Variants in SLC9A9 observed in about 807,000 individuals in gnomAD.
SLC9A9 encodes sodium/hydrogen exchanger 9.
Under a neutral mutation model 77.8 loss-of-function variants are expected in SLC9A9, and 62 were observed. The ratio of observed to expected loss-of-function variants is 0.80; its 90% CI spans 0.65 to 0.98. SLC9A9 has a LOEUF of 0.98. SLC9A9 is among the 50% of genes least tolerant of loss of function. The pLI, the probability that SLC9A9 is intolerant of heterozygous loss-of-function variation, is 0.00. For synonymous variants in SLC9A9, 320 were observed against 283.5 expected, an observed-to-expected ratio of 1.13 and a Z score of -1.29; for missense variants, 775 against 774.9, an observed-to-expected ratio of 1.00 and a Z score of 0.00.
chr3:143,287,655 T>G (rs1298985350), intron 14 of SLC9A9, among the ~76,000 whole-genome samples: 1 of 152,216 alleles, frequency 6.6e-6, no homozygotes, highest in Non-Finnish European at 1.5e-5. Context: ...GTGCTGCTAT[T>G]CATGAAGTCC....
intron 1 of SLC9A9, chr3:143,847,459 T>G (rs959032932): frequency 6.6e-6 from 1 of 152,182 alleles, no homozygotes; most frequent in Non-Finnish European, 1.5e-5. Flanking sequence ...CTGCAGGTGT[T>G]AAATATTTTT....
chr3:143,460,192 A>G (rs2035165826), intron 12 of SLC9A9, among the ~76,000 whole-genome samples: 4 of 152,044 alleles, frequency 2.6e-5, no homozygotes, highest in South Asian at 4.1e-4. Context: ...CAAAACGAAA[A>G]CTCACCACCA....
At chr3:143,776,567 A>G (rs943739268) in intron 4 of SLC9A9, among the ~76,000 whole-genome samples, 10 of 152,220 alleles carry the variant, frequency 6.6e-5, no homozygotes, top group Admixed American at 6.5e-4. Flanking sequence ...AGTGGGCAAT[A>G]TGCCATTCAA....
At chr3:143,761,238 C>T (rs577921935) in intron 4 of SLC9A9, among the ~76,000 whole-genome samples, 11 of 152,196 alleles carry the variant, frequency 7.2e-5, no homozygotes, top group African/African-American at 2.2e-4. Context: ...CCATAAAAAC[C>T]CTAGAAGAAA....
chr3:143,699,413 G>A (rs1933734266), intron 4 of SLC9A9, among the ~76,000 whole-genome samples: 2 of 152,134 alleles, frequency 1.3e-5, no homozygotes, highest in South Asian at 4.2e-4. Flanking sequence ...GCTAAAAGAG[G>A]TACTGAGGAG....
At chr3:143,754,179 T>A (rs1163752155) in intron 4 of SLC9A9, among the ~76,000 whole-genome samples, 1 of 152,164 alleles carries the variant, frequency 6.6e-6, no homozygotes, top group East Asian at 1.9e-4. Flanking sequence ...AGAAGTGAGA[T>A]AAGAGGGAAT....
rs545767733 is a variant in SLC9A9 at position 143,742,498 on chromosome 3, T to A, written c.534-49191A>T. On this transcript the variant is annotated intron_variant, in intron 4 of 15. Coordinates refer to ENST00000316549, the MANE Select transcript of SLC9A9 (RefSeq NM_173653.4). ...AGTCTAATCATGAAAAAATATCATA[T>A]GTATTTCAGTAGAGGGCCAATTTAC... Among the ~76,000 whole-genome samples, 11 of 152,316 alleles carry A rather than the reference T, an allele frequency of 7.2e-5. No individual in the cohort carries two copies. In the East Asian group the frequency reaches 2.1e-3, roughly 29 times the overall value.
At position 143,743,240 on chromosome 3, in the gene SLC9A9, T is replaced by TA. The variant is rs1491352341; in HGVS notation, c.534-49934_534-49933insT. Among the ~76,000 whole-genome samples, 301 of 133,326 alleles carry TA rather than the reference T, an allele frequency of 2.3e-3. 2 individuals are homozygous for TA. Among genetic ancestry groups the TA allele is most frequent in the Admixed American group, 2.6e-3 (34 of 13,132 alleles). 87.5% of individuals were successfully genotyped at this position (133,326 alleles called of 152,430 possible). Reference sequence around the variant, plus strand: ...ATGGATGGATGGATGGATGGATGGATGGATAGATAGATAGATAGATAGATA... The same window carrying TA: ...ATGGATGGATGGATGGATGGATGGATAGGATAGATAGATAGATAGATAGATA... On this transcript the variant is annotated intron_variant, in intron 4 of 15. Transcript: ENST00000316549.
chr3:143,568,664 T>A (rs2037210695), intron 8 of SLC9A9, among the ~76,000 whole-genome samples: 2 of 152,150 alleles, frequency 1.3e-5, no homozygotes, highest in Non-Finnish European at 2.9e-5. Context: ...GTTTTGAAAC[T>A]TTTTTCTTTT....
intron 11 of SLC9A9, among the ~76,000 whole-genome samples, chr3:143,471,007 C>T (rs1348087357): frequency 3.9e-5 from 6 of 152,134 alleles, no homozygotes; most frequent in East Asian, 1.9e-4. Context: ...GCCACTATCT[C>T]GTGGCAGGTT....
At chr3:143,811,468 G>T (rs1024168492) in intron 2 of SLC9A9, among the ~76,000 whole-genome samples, 1 of 152,156 alleles carries the variant, frequency 6.6e-6, no homozygotes, top group Non-Finnish European at 1.5e-5. Flanking sequence ...GCATGAAAAT[G>T]CCTGCTTCCT....
At chr3:143,666,058 T>C (rs557946779) in intron 5 of SLC9A9, among the ~76,000 whole-genome samples, 1 of 152,290 alleles carries the variant, frequency 6.6e-6, no homozygotes, top group Admixed American at 6.5e-5. Flanking sequence ...CCAATATCCC[T>C]GATGAACATT....
chr3:143,803,920 A>G (rs1038475486), intron 2 of SLC9A9, among the ~76,000 whole-genome samples: 36 of 151,760 alleles, frequency 2.4e-4, no homozygotes, highest in African/African-American at 8.7e-4. Flanking sequence ...GTCCAGCAAG[A>G]CCTCCCCAGA....
At position 143,406,481 on chromosome 3, in the gene SLC9A9, G is replaced by A. The variant is rs2033983336; in HGVS notation, c.1470-24367C>T. Among the ~76,000 whole-genome samples, 3 of 151,974 alleles carry A rather than the reference G, an allele frequency of 2.0e-5. No homozygotes were observed. The South Asian group carries it at 6.2e-4, about 32-fold the overall frequency. The stretch of plus-strand genomic sequence containing the variant: ...CAACCTCCGCCTCCTGGGTTCAAGT[G>A]ATTCTCCTGTCCCAGCCTCCCGAGT... On this transcript the variant is annotated intron_variant, in intron 12 of 15. Coordinates refer to ENST00000316549, the MANE Select transcript of SLC9A9 (RefSeq NM_173653.4).
chr3:143,345,686 C>T (rs1176448419), intron 14 of SLC9A9, among the ~76,000 whole-genome samples: 1 of 152,112 alleles, frequency 6.6e-6, no homozygotes, highest in East Asian at 1.9e-4. Flanking sequence ...GGGAACCAGT[C>T]TCTGCAGGTG....
In SLC9A9 at chr3:143,517,959, G is replaced by A. The variant is rs1482654036; in HGVS notation, c.1090-22511C>T. The A allele has an allele frequency of 4.8e-6, 7 of 1,460,642 alleles. No homozygotes were observed. The East Asian group carries it at 9.1e-5, about 19-fold the overall frequency. 90.5% of individuals were successfully genotyped at this position (1,460,642 alleles called of 1,614,324 possible). A position where few individuals can be genotyped will look rare whatever the true frequency, so the allele number is the denominator to read the frequency against. Reference sequence around the variant, plus strand: ...ATTTCTTAAGGAGCATCAGTGTCTGGTTCAATCACACCTTCTTTATCAATT... The same window carrying A: ...ATTTCTTAAGGAGCATCAGTGTCTGATTCAATCACACCTTCTTTATCAATT... On this transcript the variant is annotated intron_variant, in intron 9 of 15. Transcript: ENST00000316549.
At chr3:143,477,670 T>C (rs929735082) in intron 11 of SLC9A9, among the ~76,000 whole-genome samples, 42 of 152,226 alleles carry the variant, frequency 2.8e-4, no homozygotes, top group African/African-American at 9.9e-4. Context: ...ATTAAACTGT[T>C]GAAGTTTGGG....
At chr3:143,698,786 G>C (rs1210799427) in intron 4 of SLC9A9, among the ~76,000 whole-genome samples, 1 of 152,098 alleles carries the variant, frequency 6.6e-6, no homozygotes, top group Non-Finnish European at 1.5e-5. Flanking sequence ...ATAAGCAAAG[G>C]AAGTTGTCAG....
intron 4 of SLC9A9, among the ~76,000 whole-genome samples, chr3:143,772,538 A>G (rs915331097): frequency 1.7e-4 from 26 of 152,310 alleles, no homozygotes; most frequent in South Asian, 8.3e-4. Flanking sequence ...CAGAGACTCC[A>G]TGGATGTTTC....
Sources: allele counts gnomAD v4.1 joint callset (sites outside exome capture counted in the v4.1 genomes callset), GRCh38; gene constraint gnomAD v4.1.1; transcripts MANE v1.5; gene names NCBI Gene and HGNC (gene_info 2026-07-23, HGNC 2026-07-21).